Variants in SGCD observed in about 807,000 individuals in gnomAD.
The protein encoded by SGCD is sarcoglycan delta.
In SGCD, 18 loss-of-function variants were observed where a neutral mutation model predicts 36.6. The ratio of observed to expected loss-of-function variants is 0.49; its 90% CI spans 0.34 to 0.73. The LOEUF is 0.73. Ranked by LOEUF, SGCD falls within the 30% of genes least tolerant of loss-of-function variation. The pLI is 0.01. For synonymous variants in SGCD, 133 were observed against 130.6 expected, an observed-to-expected ratio of 1.02 and a Z score of -0.12; for missense variants, 387 against 346.7, an observed-to-expected ratio of 1.12 and a Z score of -0.92.
At chr5:156,392,099 T>C (rs1771601962) in intron 3 of SGCD, among the ~76,000 whole-genome samples, 2 of 152,242 alleles carry the variant, frequency 1.3e-5, no homozygotes, top group African/African-American at 4.8e-5. Context: ...CTTACCTTTG[T>C]ATGGCTCCTG....
chr5:156,598,563 A>T (rs1363903930), intron 6 of SGCD, among the ~76,000 whole-genome samples: 2 of 152,096 alleles, frequency 1.3e-5, no homozygotes, highest in Admixed American at 1.3e-4. Flanking sequence ...ACAAAAACAA[A>T]AAACTTTGCT....
chr5:155,838,713 G>C, the SGCD span, among the ~76,000 whole-genome samples: 8 of 143,238 alleles, frequency 5.6e-5, no homozygotes, highest in African/African-American at 1.8e-4. Context: ...ATCACAAGTT[G>C]AATGCAGTGC....
intron 1 of SGCD, among the ~76,000 whole-genome samples, chr5:155,984,864 A>G (rs890915887): frequency 3.9e-5 from 6 of 152,150 alleles, no homozygotes; most frequent in African/African-American, 1.2e-4. Flanking sequence ...CATTTATGTA[A>G]ATTTTGTTTG....
In SGCD at chr5:156,737,608, A is replaced by G. The variant is rs139809307; in HGVS notation, c.576-19973A>G. On this transcript the variant is annotated intron_variant, in intron 7 of 8. Transcript: ENST00000337851. Reference sequence around the variant, plus strand: ...CCACAGAGAGGGATTCCTGTACAATATATCAGTAAGTGGACACAGAATACT... The same window carrying G: ...CCACAGAGAGGGATTCCTGTACAATGTATCAGTAAGTGGACACAGAATACT... Among the ~76,000 whole-genome samples the G allele has an allele frequency of 1.3e-4, 20 of 152,274 alleles. No homozygotes were observed. In the East Asian group the frequency reaches 2.3e-3, roughly 18 times the overall value.
intron 1 of SGCD, among the ~76,000 whole-genome samples, chr5:155,879,564 T>C (rs143959744): frequency 0.015 from 2,306 of 152,224 alleles, 29 homozygotes; most frequent in Middle Eastern, 0.024. Context: ...AACAAGTAAT[T>C]TTTCAGGCTT....
At chr5:156,167,659 C>T (rs1042559369) in intron 3 of SGCD, among the ~76,000 whole-genome samples, 1 of 152,072 alleles carries the variant, frequency 6.6e-6, no homozygotes, top group East Asian at 1.9e-4. Flanking sequence ...CTCTGTTGCT[C>T]CCTCTCTTGT....
the SGCD span, among the ~76,000 whole-genome samples, chr5:155,796,707 G>C: frequency 2.0e-5 from 3 of 150,302 alleles, no homozygotes; most frequent in Admixed American, 2.0e-4. Flanking sequence ...TTGGGAGGCT[G>C]AGGCAGGGGA....
rs2113225060 is a variant in SGCD at position 156,557,243 on chromosome 5, A to T, written c.295-31988A>T. On this transcript the variant is annotated intron_variant, in intron 4 of 8. Coordinates refer to ENST00000337851, the MANE Select transcript of SGCD (RefSeq NM_000337.6). ...TGCAGCTGAAGATGTTGAAGACTCC[A>T]TAGCAACACCATCTGTCCCTTCACA... Among the ~76,000 whole-genome samples, 2 of 152,298 alleles carry T rather than the reference A, an allele frequency of 1.3e-5. 1 individual carries two copies. The highest frequency in any genetic ancestry group is 4.1e-4 in the South Asian group (2 of 4,832).
chr5:155,872,284 T>C lies in SGCD; in HGVS notation c.-282+1860T>C, dbSNP rs57274757. Reference sequence around the variant, plus strand: ...GTTGTGAGGATTAAATAAAATAATATGTGAAATCAATGTGAAACAATGCTC... The same window carrying C: ...GTTGTGAGGATTAAATAAAATAATACGTGAAATCAATGTGAAACAATGCTC... On this transcript the variant is annotated intron_variant, in intron 1 of 9. Transcript: ENST00000517913. 7.7e-3 allele frequency among the ~76,000 whole-genome samples: 1,173 copies of C among 152,046 alleles called. 14 individuals are homozygous for C. The highest frequency in any genetic ancestry group is 0.027 in the African/African-American group (1,113 of 41,446).
chr5:155,985,499 T>G (rs537455062), intron 1 of SGCD, among the ~76,000 whole-genome samples: 7 of 152,332 alleles, frequency 4.6e-5, no homozygotes, highest in African/African-American at 1.7e-4. Flanking sequence ...ATCAGGATAC[T>G]CCATGATAAT....
intron 3 of SGCD, among the ~76,000 whole-genome samples, chr5:156,421,832 T>A (rs1773324521): frequency 6.6e-6 from 1 of 152,046 alleles, no homozygotes; most frequent in Non-Finnish European, 1.5e-5. Context: ...GGTTTAGGGA[T>A]AAGTCCTAAT....
At chr5:156,015,760 T>G (rs961728277) in intron 1 of SGCD, among the ~76,000 whole-genome samples, 1 of 151,136 alleles carries the variant, frequency 6.6e-6, no homozygotes, top group Non-Finnish European at 1.5e-5. Flanking sequence ...ATATCATTCA[T>G]TCTTTCCAAA....
At chr5:155,942,322 G>GTATCTATC (rs1486613471) in intron 1 of SGCD, among the ~76,000 whole-genome samples, 8,669 of 78,630 alleles carry the variant, frequency 0.11, 358 homozygotes, top group East Asian at 0.22. Flanking sequence ...ATGTATGTAT[G>GTATCTATC]TATGTATGTA....
At chr5:156,088,912 G>A (rs747106645) in intron 1 of SGCD, among the ~76,000 whole-genome samples, 104 of 152,240 alleles carry the variant, frequency 6.8e-4, no homozygotes, top group Non-Finnish European at 1.2e-3. Flanking sequence ...CCATGGTTTC[G>A]TTCTGGACAG....
intron 1 of SGCD, among the ~76,000 whole-genome samples, chr5:156,099,906 GT>G (rs374386056): frequency 4.0e-5 from 6 of 149,506 alleles, no homozygotes; most frequent in African/African-American, 1.5e-4. Context: ...AATATATGCA[GT>G]GAAAACATTG....
chr5:156,453,884 T>C (rs1225463478), intron 3 of SGCD, among the ~76,000 whole-genome samples: 1 of 152,170 alleles, frequency 6.6e-6, no homozygotes, highest in Non-Finnish European at 1.5e-5. Flanking sequence ...ACTTTATTTG[T>C]ACAAAATTCT....
At chr5:156,063,430 T>G (rs1760284268) in intron 1 of SGCD, among the ~76,000 whole-genome samples, 1 of 108,630 alleles carries the variant, frequency 9.2e-6, no homozygotes, top group South Asian at 2.8e-4. Context: ...CTTTTTTGGT[T>G]CCATATGAAC....
At chr5:156,631,460 C>CT (rs139512555) in intron 6 of SGCD, among the ~76,000 whole-genome samples, 33,390 of 136,140 alleles carry the variant, frequency 0.25, 4,644 homozygotes, top group African/African-American at 0.39. Flanking sequence ...TTGACACTTG[C>CT]TTTTTTTTTT....
chr5:156,757,753 C>G lies in SGCD; in HGVS notation c.699+49C>G, dbSNP rs752646426. On this transcript the variant is annotated intron_variant, in intron 8 of 8. Transcript: ENST00000337851. Reference sequence around the variant, plus strand: ...TTCAAAGAGCTACAGCTTCAACAGGCCAACCCTTCCCATAACTGGTTGACC... The same window carrying G: ...TTCAAAGAGCTACAGCTTCAACAGGGCAACCCTTCCCATAACTGGTTGACC... 1.3e-6 allele frequency: 2 copies of G among 1,574,248 alleles called. No homozygotes were observed. Among genetic ancestry groups the G allele is most frequent in the Non-Finnish European group, 1.7e-6 (2 of 1,159,624 alleles).
Sources: allele counts gnomAD v4.1 joint callset (sites outside exome capture counted in the v4.1 genomes callset), GRCh38; gene constraint gnomAD v4.1.1; transcripts MANE v1.5; gene names NCBI Gene and HGNC (gene_info 2026-07-23, HGNC 2026-07-21).